The following MAN1A2 variants were observed in gnomAD, a reference collection of about 807,000 sequenced individuals.
MAN1A2 encodes the protein mannosidase alpha class 1A member 2.
A neutral mutation model predicts 75.7 loss-of-function variants in MAN1A2; 26 were observed. That is an observed-to-expected ratio of 0.34 (90% CI 0.25 to 0.48). The LOEUF is 0.48. Among genes scored for constraint, MAN1A2 ranks in the 20% least tolerant of loss-of-function variants. The probability of loss-of-function intolerance (pLI) is 0.99; values close to 1 mark genes in which losing one functional copy is unlikely to be tolerated. For missense variants in MAN1A2, 562 were observed against 775.5 expected (o/e 0.72, Z 3.27); for synonymous variants, 247 against 264.6 (o/e 0.93, Z 0.65).
At chr1:117,449,318 G>A (rs1649333869) in intron 6 of MAN1A2, among the ~76,000 whole-genome samples, 1 of 152,132 alleles carries the variant, frequency 6.6e-6, no homozygotes, top group Non-Finnish European at 1.5e-5. Flanking sequence ...CAGCATTTTG[G>A]GAGGCTGAGG....
chr1:117,487,543 C>T (rs562798093), intron 8 of MAN1A2, among the ~76,000 whole-genome samples: 20 of 152,116 alleles, frequency 1.3e-4, no homozygotes, highest in East Asian at 3.9e-4. Context: ...CATGATTTTA[C>T]GCAGTTGATG....
At chr1:117,515,174 T>C (rs556907510) in intron 12 of MAN1A2, 16 of 172,728 alleles carry the variant, frequency 9.3e-5, no homozygotes, top group Non-Finnish European at 1.6e-4. Context: ...ATTGAAGATA[T>C]AGTTTTTTAA....
intron 5 of MAN1A2, among the ~76,000 whole-genome samples, chr1:117,427,705 G>T (rs1423628736): frequency 1.3e-5 from 2 of 152,074 alleles, no homozygotes; most frequent in African/African-American, 4.8e-5. Flanking sequence ...CAAATACAAA[G>T]AGAAAAGTTT....
intron 3 of MAN1A2, among the ~76,000 whole-genome samples, chr1:117,414,075 G>A (rs1334928795): frequency 6.6e-6 from 1 of 151,062 alleles, no homozygotes; most frequent in East Asian, 1.9e-4. Flanking sequence ...TAATGATAAG[G>A]ATTATCTCTT....
At chr1:117,417,706 A>ACACACTCT (rs1553232820) in intron 4 of MAN1A2, among the ~76,000 whole-genome samples, 3 of 143,554 alleles carry the variant, frequency 2.1e-5, no homozygotes, top group African/African-American at 7.7e-5. Flanking sequence ...ACACACACAC[A>ACACACTCT]CTCTCTCTCT....
Position 117,523,502 on chromosome 1 carries a change from G to A in MAN1A2, c.*545G>A, listed in dbSNP as rs1651926596. 9.0e-6 allele frequency: 2 copies of A among 221,312 alleles called. No individual in the cohort carries two copies. The highest frequency in any genetic ancestry group is 1.9e-5 in the Non-Finnish European group (2 of 107,752). The allele number at this position is 221,312 out of a possible 1,614,324, so 13.7% of individuals were successfully genotyped here. A position where few individuals can be genotyped will look rare whatever the true frequency, so the allele number is the denominator to read the frequency against. On this transcript the variant is annotated 3_prime_UTR_variant, in exon 13 of 13. Coordinates refer to ENST00000356554, the MANE Select transcript of MAN1A2 (RefSeq NM_006699.5). ...AAGAAGACTCAAAAAAGAAACAGGAGTACCTATCCCTATCTGAATTTTCAA... is the reference window on the plus strand; with the variant it reads ...AAGAAGACTCAAAAAAGAAACAGGAATACCTATCCCTATCTGAATTTTCAA...
intron 3 of MAN1A2, among the ~76,000 whole-genome samples, chr1:117,406,527 T>C (rs1246943140): frequency 6.6e-6 from 1 of 152,172 alleles, no homozygotes; most frequent in African/African-American, 2.4e-5. Flanking sequence ...TCTTATAATT[T>C]GTTCATTGTT....
chr1:117,398,963 T>G (rs1194679333), intron 1 of MAN1A2, among the ~76,000 whole-genome samples: 2 of 152,134 alleles, frequency 1.3e-5, no homozygotes, highest in African/African-American at 4.8e-5. Context: ...TGAAGACTAT[T>G]GGAAGCGTAT....
chr1:117,477,280 T>C (rs1650344516), intron 8 of MAN1A2, among the ~76,000 whole-genome samples: 2 of 151,942 alleles, frequency 1.3e-5, no homozygotes, highest in African/African-American at 4.8e-5. Context: ...CTCCGTAACT[T>C]ATTTTATGAC....
chr1:117,494,275 G>C (rs1018304421), intron 9 of MAN1A2: 1 of 142,312 alleles, frequency 7.0e-6, no homozygotes, highest in African/African-American at 2.4e-5. Context: ...TTTATATGGA[G>C]TATTTCTAAG....
chr1:117,371,978 A>G (rs1652978875), intron 1 of MAN1A2, among the ~76,000 whole-genome samples: 2 of 152,182 alleles, frequency 1.3e-5, no homozygotes, highest in Non-Finnish European at 2.9e-5. Context: ...AAATCAATCA[A>G]TATTTAACCT....
rs181424451 is a variant in MAN1A2 at position 117,469,432 on chromosome 1, A to G, written c.1168+3005A>G. Among the ~76,000 whole-genome samples, 10 of 152,250 alleles carry G rather than the reference A, an allele frequency of 6.6e-5. No individual in the cohort carries two copies. The East Asian group carries it at 1.9e-3, about 29-fold the overall frequency. On this transcript the variant is annotated intron_variant, in intron 8 of 12. Transcript: ENST00000356554. ...TTCTTCAATATGACACCAAAGGCACAGGTAACAATACAAAAATAAAAGATA... is the reference window on the plus strand; with the variant it reads ...TTCTTCAATATGACACCAAAGGCACGGGTAACAATACAAAAATAAAAGATA...
At chr1:117,421,740 C>G (rs936042485) in intron 5 of MAN1A2, among the ~76,000 whole-genome samples, 6 of 151,450 alleles carry the variant, frequency 4.0e-5, no homozygotes, top group South Asian at 2.1e-4. Context: ...GTTTATACCT[C>G]TAACATATAT....
intron 8 of MAN1A2, among the ~76,000 whole-genome samples, chr1:117,468,327 G>A (rs1014461767): frequency 6.6e-6 from 1 of 152,090 alleles, no homozygotes; most frequent in African/African-American, 2.4e-5. Flanking sequence ...TCTCCAGAGT[G>A]TATATATTTG....
chr1:117,521,644 C>A (rs1277222296), intron 12 of MAN1A2, among the ~76,000 whole-genome samples: 2 of 151,948 alleles, frequency 1.3e-5, no homozygotes, highest in Non-Finnish European at 2.9e-5. Flanking sequence ...AAAAGTAGAA[C>A]TACCATTTGA....
intron 7 of MAN1A2, 113 bp downstream of exon 7, chr1:117,460,725 G>T: frequency 2.4e-6 from 3 of 1,239,262 alleles, no homozygotes; most frequent in Non-Finnish European, 3.2e-6. Flanking sequence ...GTTTATTAGG[G>T]CTGTAGCCTT....
chr1:117,408,247 A>G (rs1647677500), intron 3 of MAN1A2, among the ~76,000 whole-genome samples: 1 of 151,566 alleles, frequency 6.6e-6, no homozygotes, highest in Admixed American at 6.6e-5. Flanking sequence ...ATGCCTGTGA[A>G]TAGCCACTGT....
intron 5 of MAN1A2, among the ~76,000 whole-genome samples, chr1:117,425,286 T>C (rs2101786615): frequency 6.6e-6 from 1 of 152,258 alleles, no homozygotes; most frequent in East Asian, 1.9e-4. Context: ...CTACCAAATA[T>C]TTAATATCGA....
intron 7 of MAN1A2, among the ~76,000 whole-genome samples, chr1:117,461,172 C>A (rs1434635168): frequency 6.6e-6 from 1 of 151,902 alleles, no homozygotes; most frequent in African/African-American, 2.4e-5. Flanking sequence ...ATGTTTCCTA[C>A]AAATAAATCT....
Sources: allele counts gnomAD v4.1 joint callset (sites outside exome capture counted in the v4.1 genomes callset), GRCh38; gene constraint gnomAD v4.1.1; transcripts MANE v1.5; gene names NCBI Gene and HGNC (gene_info 2026-07-23, HGNC 2026-07-21).